The following MSRA variants were observed in gnomAD, a reference collection of about 807,000 sequenced individuals.
MSRA encodes methionine sulfoxide reductase A.
Under a neutral mutation model 31.3 loss-of-function variants are expected in MSRA, and 54 were observed. The ratio of observed to expected loss-of-function variants is 1.73; its 90% CI spans 1.39 to 2.17. The LOEUF (loss-of-function observed/expected upper bound fraction) is 2.17. MSRA is among the 30% of genes most tolerant of loss of function. MSRA has a pLI of 0.00. For synonymous variants in MSRA, 169 were observed against 116.5 expected, an observed-to-expected ratio of 1.45 and a Z score of -2.90; for missense variants, 507 against 300.9, an observed-to-expected ratio of 1.69 and a Z score of -5.07.
chr8:10,421,112 C>A (rs116460603), intron 5 of MSRA, among the ~76,000 whole-genome samples: 60 of 152,254 alleles, frequency 3.9e-4, no homozygotes, highest in African/African-American at 1.4e-3. Context: ...ACAGGCTGAT[C>A]CATGTCTAGA....
At chr8:10,316,568 C>G (rs1050556377) in intron 4 of MSRA, among the ~76,000 whole-genome samples, 2 of 145,972 alleles carry the variant, frequency 1.4e-5, no homozygotes, top group Admixed American at 1.4e-4. Context: ...CTCTCTCTCT[C>G]TCTCTCCTTC....
chr8:10,095,978 T>G, intron 1 of MSRA: 2 of 1,397,598 alleles, frequency 1.4e-6, no homozygotes, highest in South Asian at 3.5e-5. Context: ...AAATAAAGTT[T>G]GTTCATCAAT....
chr8:10,106,896 A>C (rs1799924133), intron 1 of MSRA, among the ~76,000 whole-genome samples: 1 of 148,620 alleles, frequency 6.7e-6, no homozygotes, highest in African/African-American at 2.5e-5. Flanking sequence ...CCACCCGCCT[A>C]CCCCTCTACC....
At chr8:10,192,779 G>C (rs931485981) in intron 1 of MSRA, among the ~76,000 whole-genome samples, 4 of 152,160 alleles carry the variant, frequency 2.6e-5, no homozygotes, top group Admixed American at 6.5e-5. Flanking sequence ...TGGTGCTCAG[G>C]GTCCTTGGAA....
chr8:10,383,883 G>A (rs186399625), intron 5 of MSRA, among the ~76,000 whole-genome samples: 26 of 152,254 alleles, frequency 1.7e-4, no homozygotes, highest in Middle Eastern at 3.4e-3. Flanking sequence ...TTGTGAGAGC[G>A]TCAAAGGATA....
chr8:10,132,069 G>A (rs930849056), intron 1 of MSRA, among the ~76,000 whole-genome samples: 1 of 152,200 alleles, frequency 6.6e-6, no homozygotes, highest in African/African-American at 2.4e-5. Flanking sequence ...TTCTGTCACA[G>A]TTCAGATAGA....
Position 10,084,303 on chromosome 8 carries a change from A to AG in MSRA, c.142+29649dup, listed in dbSNP as rs1221634229. Among the ~76,000 whole-genome samples, 6 of 152,378 alleles carry AG rather than the reference A, an allele frequency of 3.9e-5. No individual in the cohort carries two copies. The East Asian group carries it at 1.2e-3, about 29-fold the overall frequency. On this transcript the variant is annotated intron_variant, in intron 1 of 5. Coordinates refer to ENST00000317173, the MANE Select transcript of MSRA (RefSeq NM_012331.5). ...TTGCCTTCTGGCCAGATCCCTGGGC[A>AG]GGGGCCCAGCTCCTGCTTTGCGGCC...
At chr8:10,283,129 T>TACACACACACACACACACACACACAC (rs66507479) in intron 3 of MSRA, among the ~76,000 whole-genome samples, 1 of 138,488 alleles carries the variant, frequency 7.2e-6, no homozygotes, top group African/African-American at 2.7e-5. Flanking sequence ...ATATTCACAT[T>TACACACACACACACACACACACACAC]ACACACACAC....
chr8:10,352,524 C>G (rs189979732), intron 5 of MSRA, among the ~76,000 whole-genome samples: 64 of 152,054 alleles, frequency 4.2e-4, no homozygotes, highest in African/African-American at 1.4e-3. Context: ...AAGAATGATC[C>G]GAGGAGCCAG....
At position 10,054,406 on chromosome 8, in the gene MSRA, C is replaced by A; in HGVS notation, c.-111C>A. On this transcript the variant is annotated 5_prime_UTR_variant, in exon 1 of 6. Transcript: ENST00000317173. ...AGCGCCCCGCGCCCGCCCGCCCGCGCCCCTGCCGCCCCCCGGTTCCGGCCG... is the reference window on the plus strand; with the variant it reads ...AGCGCCCCGCGCCCGCCCGCCCGCGACCCTGCCGCCCCCCGGTTCCGGCCG... 2.1e-6 allele frequency: 2 copies of A among 931,578 alleles called. No homozygotes were observed. The highest frequency in any genetic ancestry group is 2.8e-6 in the Non-Finnish European group (2 of 707,762). 57.7% of individuals were successfully genotyped at this position (931,578 alleles called of 1,614,324 possible).
At chr8:10,259,619 A>G (rs1459089427) in intron 3 of MSRA, among the ~76,000 whole-genome samples, 1 of 152,054 alleles carries the variant, frequency 6.6e-6, no homozygotes, top group African/African-American at 2.4e-5. Context: ...TTTTCTGGAC[A>G]TTTGGGAAAG....
At chr8:10,227,573 C>G (rs1811106220) in intron 2 of MSRA, among the ~76,000 whole-genome samples, 1 of 152,112 alleles carries the variant, frequency 6.6e-6, no homozygotes, top group African/African-American at 2.4e-5. Context: ...AGAGAATATT[C>G]CCGGGGTTAA....
chr8:10,327,650 T>G (rs1041514668), intron 5 of MSRA, among the ~76,000 whole-genome samples: 3 of 152,050 alleles, frequency 2.0e-5, no homozygotes, highest in Admixed American at 6.6e-5. Flanking sequence ...AATAACCTAC[T>G]TGGCTGGGCA....
intron 3 of MSRA, among the ~76,000 whole-genome samples, chr8:10,272,223 G>A (rs899929073): frequency 6.6e-6 from 1 of 152,144 alleles, no homozygotes; most frequent in African/African-American, 2.4e-5. Context: ...ATGATCTATT[G>A]ATGAGTTGAT....
At chr8:10,373,103 C>T (rs951445397) in intron 5 of MSRA, among the ~76,000 whole-genome samples, 6 of 152,346 alleles carry the variant, frequency 3.9e-5, no homozygotes, top group African/African-American at 1.4e-4. Flanking sequence ...GTTGGCCAGG[C>T]TGGTCTCAAA....
At chr8:10,156,695 C>T (rs1226402861) in intron 1 of MSRA, among the ~76,000 whole-genome samples, 1 of 151,852 alleles carries the variant, frequency 6.6e-6, no homozygotes, top group Non-Finnish European at 1.5e-5. Context: ...ACTGCCCCTA[C>T]CAGAGAAATG....
intron 1 of MSRA, chr8:10,059,133 T>A (rs1280002101): frequency 6.6e-6 from 1 of 152,154 alleles, no homozygotes. Flanking sequence ...AAAGGTGAAA[T>A]ATTCAATAAA....
chr8:10,160,794 C>T (rs930567027), intron 1 of MSRA, among the ~76,000 whole-genome samples: 1 of 152,160 alleles, frequency 6.6e-6, no homozygotes, highest in Non-Finnish European at 1.5e-5. Flanking sequence ...TCCCAAAGTG[C>T]TGGGATTACA....
In MSRA at chr8:10,247,309, TC is replaced by T. The variant is rs201788781; in HGVS notation, c.331+2089del. ...TAAGGTCATACCTAGCAGGAATCCC[TC>T]CCTCATTAGCTCTCAGCTCAAAGTC... On this transcript the variant is annotated intron_variant, in intron 3 of 5. Transcript: ENST00000317173. Among the ~76,000 whole-genome samples the T allele has an allele frequency of 6.6e-3, 1,003 of 152,262 alleles. 8 individuals are homozygous for T. Among genetic ancestry groups the T allele is most frequent in the Middle Eastern group, 0.037 (11 of 294 alleles).
Sources: allele counts gnomAD v4.1 joint callset (sites outside exome capture counted in the v4.1 genomes callset), GRCh38; gene constraint gnomAD v4.1.1; transcripts MANE v1.5; gene names NCBI Gene and HGNC (gene_info 2026-07-23, HGNC 2026-07-21).